Variants in KALRN observed in about 807,000 individuals in gnomAD.
KALRN encodes kalirin RhoGEF kinase.
Under a neutral mutation model 353.7 loss-of-function variants are expected in KALRN, and 70 were observed. That is an observed-to-expected ratio of 0.20 (90% CI 0.16 to 0.24). The LOEUF is 0.24. Among genes scored for constraint, KALRN ranks in the 10% least tolerant of loss-of-function variants. The pLI, the probability that KALRN is intolerant of heterozygous loss-of-function variation, is 1.00. For synonymous variants in KALRN, 1,391 were observed against 1,434.8 expected (o/e 0.97, Z 0.69); for missense variants, 2,791 against 3,756.7 (o/e 0.74, Z 6.72).
At chr3:124,587,691 C>T (rs1307289951) in intron 34 of KALRN, among the ~76,000 whole-genome samples, 1 of 125,132 alleles carries the variant, frequency 8.0e-6, no homozygotes, top group African/African-American at 2.8e-5. Flanking sequence ...TCCACCCCCA[C>T]CCTCCACTTT....
intron 3 of KALRN, among the ~76,000 whole-genome samples, chr3:124,237,986 A>G (rs773140591): frequency 6.6e-6 from 1 of 152,194 alleles, no homozygotes; most frequent in Non-Finnish European, 1.5e-5. Flanking sequence ...TTTAGAATAG[A>G]TGATTAAACA....
chr3:124,589,613 A>T (rs1244899741), intron 34 of KALRN, among the ~76,000 whole-genome samples: 1 of 152,108 alleles, frequency 6.6e-6, no homozygotes, highest in Non-Finnish European at 1.5e-5. Flanking sequence ...CAAAAATAAA[A>T]ATTCACCATC....
intron 34 of KALRN, among the ~76,000 whole-genome samples, chr3:124,574,621 A>G (rs1288864306): frequency 6.6e-6 from 1 of 152,196 alleles, no homozygotes; most frequent in Non-Finnish European, 1.5e-5. Flanking sequence ...GCTGGAGATG[A>G]TAGAGAGGAG....
chr3:124,537,216 A>G (rs562144331), intron 33 of KALRN, among the ~76,000 whole-genome samples: 1 of 152,164 alleles, frequency 6.6e-6, no homozygotes, highest in South Asian at 2.1e-4. Flanking sequence ...TAATTTTTGT[A>G]TTTTTAGTAG....
intron 1 of KALRN, among the ~76,000 whole-genome samples, chr3:124,198,195 A>G (rs937300958): frequency 2.6e-5 from 4 of 152,210 alleles, no homozygotes; most frequent in African/African-American, 9.6e-5. Context: ...CCTAGAGGTC[A>G]TCTAACCTTG....
At chr3:124,396,214 A>C (rs926469411) in intron 12 of KALRN, among the ~76,000 whole-genome samples, 1 of 152,146 alleles carries the variant, frequency 6.6e-6, no homozygotes, top group African/African-American at 2.4e-5. Flanking sequence ...AGCAAGTCCC[A>C]GGCTATCCCT....
chr3:124,079,379 T>C (rs1349601765), intron 1 of KALRN, among the ~76,000 whole-genome samples: 1 of 152,266 alleles, frequency 6.6e-6, no homozygotes, highest in Non-Finnish European at 1.5e-5. Flanking sequence ...TTATGAATGA[T>C]ACTTACATGT....
chr3:124,034,913 G>T (rs1325096683), intron 1 of KALRN, among the ~76,000 whole-genome samples: 2 of 152,118 alleles, frequency 1.3e-5, no homozygotes, highest in Admixed American at 6.5e-5. Context: ...AGCTCTGGAG[G>T]GTCTCTGCAC....
chr3:124,071,537 A>T (rs2060020027), intron 1 of KALRN, among the ~76,000 whole-genome samples: 2 of 152,166 alleles, frequency 1.3e-5, no homozygotes, highest in African/African-American at 4.8e-5. Flanking sequence ...GTACTTGGTA[A>T]TTTATAAAGA....
intron 33 of KALRN, chr3:124,519,404 C>T: frequency 2.0e-6 from 2 of 985,300 alleles, no homozygotes; most frequent in Non-Finnish European, 2.4e-6. Context: ...TCATGGAAAC[C>T]CCACACCAAG....
intron 1 of KALRN, among the ~76,000 whole-genome samples, chr3:124,092,765 C>A (rs973298187): frequency 6.6e-6 from 1 of 152,256 alleles, no homozygotes; most frequent in Admixed American, 6.5e-5. Flanking sequence ...TGGATTTTCT[C>A]TTCTGTATAC....
intron 10 of KALRN, among the ~76,000 whole-genome samples, chr3:124,368,747 G>A (rs1396874010): frequency 1.3e-3 from 199 of 150,438 alleles, no homozygotes; most frequent in Non-Finnish European, 2.2e-3. Context: ...CCGAGATCAC[G>A]CCACTGCACT....
intron 15 of KALRN, among the ~76,000 whole-genome samples, chr3:124,425,996 A>T (rs532097540): frequency 6.6e-6 from 1 of 152,302 alleles, no homozygotes; most frequent in South Asian, 2.1e-4. Context: ...ACACCGTGGG[A>T]CTGTCGTTCA....
At chr3:124,684,309 A>AT (rs2061465625) in intron 51 of KALRN, among the ~76,000 whole-genome samples, 2 of 152,146 alleles carry the variant, frequency 1.3e-5, no homozygotes, top group African/African-American at 4.8e-5. Context: ...TTAACCTAAA[A>AT]CACAGATCCT....
At chr3:124,153,408 A>G (rs1318129789) in intron 1 of KALRN, among the ~76,000 whole-genome samples, 3 of 149,930 alleles carry the variant, frequency 2.0e-5, no homozygotes, top group South Asian at 2.1e-4. Flanking sequence ...GAGAATGATG[A>G]TTTCCAATTT....
At chr3:124,041,567 TCTC>T (rs1201938707) in intron 1 of KALRN, among the ~76,000 whole-genome samples, 1 of 152,130 alleles carries the variant, frequency 6.6e-6, no homozygotes, top group Non-Finnish European at 1.5e-5. Context: ...ACCCCTTTTT[TCTC>T]CTCCTCTGCA....
intron 1 of KALRN, among the ~76,000 whole-genome samples, chr3:124,086,382 A>G (rs1327259418): frequency 6.7e-6 from 1 of 149,236 alleles, no homozygotes; most frequent in Admixed American, 6.7e-5. Context: ...TTGTAGGTAA[A>G]ATGTGGCATG....
intron 1 of KALRN, among the ~76,000 whole-genome samples, chr3:124,205,689 A>T (rs867832874): frequency 2.6e-5 from 4 of 152,216 alleles, no homozygotes; most frequent in African/African-American, 9.7e-5. Context: ...TTGAAAAACA[A>T]GGTCAAATAT....
chr3:124,235,296 T>C (rs2079620912), intron 3 of KALRN, among the ~76,000 whole-genome samples: 1 of 152,194 alleles, frequency 6.6e-6, no homozygotes, highest in Admixed American at 6.5e-5. Context: ...AGATTTTTTT[T>C]TCCATGTATT....
Sources: allele counts gnomAD v4.1 joint callset (sites outside exome capture counted in the v4.1 genomes callset), GRCh38; gene constraint gnomAD v4.1.1; transcripts MANE v1.5; gene names NCBI Gene and HGNC (gene_info 2026-07-23, HGNC 2026-07-21).